Variants in WDR7 observed in about 807,000 individuals in gnomAD.
The protein encoded by WDR7 is WD repeat domain 7.
A neutral mutation model predicts 169.4 loss-of-function variants in WDR7; 46 were observed. That is an observed-to-expected ratio of 0.27 (90% confidence interval 0.21 to 0.35). WDR7 has a LOEUF of 0.35. Among genes scored for constraint, WDR7 ranks in the 10% least tolerant of loss-of-function variants. The pLI is 1.00. For missense variants in WDR7, 1,534 were observed against 1,859.3 expected (o/e 0.83, Z 3.22); for synonymous variants, 612 against 666.8 (o/e 0.92, Z 1.27).
intron 21 of WDR7, among the ~76,000 whole-genome samples, chr18:56,884,384 T>C (rs1294147092): frequency 6.6e-6 from 1 of 152,224 alleles, no homozygotes; most frequent in Non-Finnish European, 1.5e-5. Context: ...TTGAGTTCCT[T>C]GTAGTTTCTG....
rs185337311 is a variant in WDR7, at chr18:56,672,617, C to T, written c.102C>T (p.Ile34=). ...AVLLTDDGAT[I]VTGCHDGQIC... ...TTTTAACAGATGATGGGGCCACGATCGTAACAGGATGTCACGACGGACAAA... is the reference window on the plus strand; with the variant it reads ...TTTTAACAGATGATGGGGCCACGATTGTAACAGGATGTCACGACGGACAAA... The change falls in exon 2 of 28, where the codon ATC becomes ATT. Residue 34 remains isoleucine (I), a synonymous_variant. Coordinates refer to ENST00000254442, the MANE Select transcript of WDR7 (RefSeq NM_015285.3). 4.7e-5 allele frequency: 76 copies of T among 1,613,112 alleles called. No homozygotes were observed. The highest frequency in any genetic ancestry group is 1.8e-4 in the Admixed American group (11 of 59,902).
intron 14 of WDR7, among the ~76,000 whole-genome samples, chr18:56,751,614 A>G (rs2043794261): frequency 6.6e-6 from 1 of 152,202 alleles, no homozygotes; most frequent in Non-Finnish European, 1.5e-5. Flanking sequence ...TTGCTGTGAC[A>G]TAACCAGCCG....
chr18:56,744,245 G>GAAAAAAAAAAAAAAAAAAAAAAA (rs58110613), intron 14 of WDR7, among the ~76,000 whole-genome samples: 2 of 86,884 alleles, frequency 2.3e-5, no homozygotes, highest in Non-Finnish European at 2.2e-5. Context: ...TCTCAAAAAA[G>GAAAAAAAAAAAAAAAAAAAAAAA]AAAAAAAAAA....
downstream of WDR7, chr18:57,033,694 C>G (rs1441084366): frequency 1.3e-5 from 2 of 152,058 alleles, no homozygotes; most frequent in African/African-American, 4.8e-5. Flanking sequence ...CTCCCACCCC[C>G]ACCCAAATCC....
intron 20 of WDR7, among the ~76,000 whole-genome samples, chr18:56,850,400 A>G (rs1159310259): frequency 6.6e-6 from 1 of 152,202 alleles, no homozygotes; most frequent in East Asian, 1.9e-4. Flanking sequence ...TATTGGTTAG[A>G]TGATTGAATA....
chr18:56,672,350 T>C (rs1688884789), intron 1 of WDR7, 147 bp from the exon 2 acceptor site: 1 of 600,790 alleles, frequency 1.7e-6, no homozygotes, highest in African/African-American at 1.9e-5. Flanking sequence ...TAGTCGTTTT[T>C]TTTTGAAAAT....
chr18:56,793,503 A>G (rs1411349113), intron 19 of WDR7, among the ~76,000 whole-genome samples: 3 of 152,200 alleles, frequency 2.0e-5, no homozygotes, highest in East Asian at 1.9e-4. Context: ...CAGTAAATCA[A>G]TTTCTAGAAA....
intron 20 of WDR7, among the ~76,000 whole-genome samples, chr18:56,830,516 A>G (rs990644952): frequency 1.6e-4 from 25 of 152,214 alleles, no homozygotes; most frequent in Admixed American, 4.6e-4. Flanking sequence ...TTCCGGCCAT[A>G]CAGCCCAGTT....
At chr18:56,853,220 C>T (rs1352018515) in intron 20 of WDR7, among the ~76,000 whole-genome samples, 1 of 152,098 alleles carries the variant, frequency 6.6e-6, no homozygotes, top group Admixed American at 6.5e-5. Context: ...ATAGTGATGA[C>T]TTTCTTCCAG....
intron 20 of WDR7, among the ~76,000 whole-genome samples, chr18:56,862,044 T>C (rs942836320): frequency 4.1e-5 from 6 of 147,726 alleles, no homozygotes; most frequent in African/African-American, 1.6e-4. Context: ...TTCTATAAAA[T>C]TTGTTATGCC....
At chr18:56,791,456 A>G (rs1270737463) in intron 19 of WDR7, among the ~76,000 whole-genome samples, 3 of 151,922 alleles carry the variant, frequency 2.0e-5, no homozygotes, top group Non-Finnish European at 2.9e-5. Flanking sequence ...CTTTTTCTTT[A>G]CCCCCTTCTA....
intron 25 of WDR7, among the ~76,000 whole-genome samples, chr18:56,946,461 GTGTT>G (rs370163575): frequency 2.3e-4 from 35 of 152,284 alleles, no homozygotes; most frequent in South Asian, 6.2e-4. Flanking sequence ...TTGTTTGTTT[GTGTT>G]TGTTTGTTTG....
chr18:56,668,332 T>C (rs1299216001), intron 1 of WDR7, among the ~76,000 whole-genome samples: 1 of 152,200 alleles, frequency 6.6e-6, no homozygotes, highest in Non-Finnish European at 1.5e-5. Context: ...CCTTAGAACA[T>C]GTGATTACCT....
intron 19 of WDR7, among the ~76,000 whole-genome samples, chr18:56,811,277 C>T (rs1456519926): frequency 2.0e-5 from 3 of 152,038 alleles, no homozygotes; most frequent in East Asian, 1.9e-4. Context: ...TGTTTTCATT[C>T]GCTAGTACTA....
chr18:56,977,976 ACT>A (rs549757539), intron 26 of WDR7, among the ~76,000 whole-genome samples: 140 of 152,336 alleles, frequency 9.2e-4, no homozygotes, highest in African/African-American at 3.2e-3. Flanking sequence ...CACAGCAGTA[ACT>A]CACACAGATT....
intron 20 of WDR7, among the ~76,000 whole-genome samples, chr18:56,869,109 C>T (rs767601449): frequency 2.0e-5 from 3 of 152,012 alleles, no homozygotes; most frequent in Non-Finnish European, 2.9e-5. Context: ...GTGAATTGCC[C>T]TCAAAGCTTA....
chr18:56,944,762 A>G (rs1599180050), intron 25 of WDR7, among the ~76,000 whole-genome samples: 1 of 152,222 alleles, frequency 6.6e-6, no homozygotes, highest in Non-Finnish European at 1.5e-5. Context: ...GCTTGTTGAT[A>G]TTAAAACATG....
intron 26 of WDR7, among the ~76,000 whole-genome samples, chr18:57,013,286 T>C (rs1286105592): frequency 6.6e-6 from 1 of 152,218 alleles, no homozygotes; most frequent in Non-Finnish European, 1.5e-5. Flanking sequence ...ACCCTCCTGC[T>C]GTACGGCCTG....
chr18:56,743,978 G>A (rs1388934923), intron 14 of WDR7, among the ~76,000 whole-genome samples: 1 of 151,910 alleles, frequency 6.6e-6, no homozygotes, highest in African/African-American at 2.4e-5. Flanking sequence ...GGGGCCGGGC[G>A]CGGTGGCTCA....
Sources: gnomAD v4.1 joint callset for allele counts (sites outside exome capture counted in the v4.1 genomes callset) on GRCh38, gnomAD v4.1.1 for gene constraint, MANE v1.5 for transcripts, NCBI Gene and HGNC (gene_info 2026-07-23, HGNC 2026-07-21) for gene names.